GABRB2: variants seen among roughly 807,000 people sequenced by gnomAD.
GABRB2 encodes gamma-aminobutyric acid receptor subunit beta-2.
GABRB2 carries 16 observed loss-of-function variants against 54.7 expected under a neutral mutation model. The observed-to-expected ratio is 0.29, with a 90% CI of 0.20 to 0.44. GABRB2 has a LOEUF of 0.44. GABRB2 is among the 20% of genes least tolerant of loss of function. The pLI, the probability that GABRB2 is intolerant of heterozygous loss-of-function variation, is 1.00. For synonymous variants in GABRB2, 244 were observed against 233.8 expected (o/e 1.04, Z -0.40); for missense variants, 355 against 644.0 (o/e 0.55, Z 4.86).
intron 4 of GABRB2, among the ~76,000 whole-genome samples, chr5:161,456,998 A>G (rs1444157001): frequency 6.6e-6 from 1 of 152,224 alleles, no homozygotes; most frequent in Admixed American, 6.5e-5. Flanking sequence ...CCTTTTACCT[A>G]TCTATTGCAA....
chr5:161,487,909 T>C (rs1758976892), intron 3 of GABRB2, among the ~76,000 whole-genome samples: 1 of 151,786 alleles, frequency 6.6e-6, no homozygotes, highest in South Asian at 2.1e-4. Context: ...TGGCAGTTCC[T>C]AACACTGAAA....
rs1174338619 is a variant in GABRB2, at chr5:161,336,687, T to C, written c.624A>G (p.Pro208=). ...AVTGVTKIEL[P]QFSIVDYKLI... ...GTTTGTAATCTACAATAGAGAACTG[T>C]GGAAGTTCAATTTTCGTTACTCCTG... The change falls in exon 6 of 10, where the codon CCA becomes CCG. Residue 208 remains proline (P), a synonymous_variant. Transcript: ENST00000393959. The C allele has an allele frequency of 6.2e-6, 10 of 1,613,364 alleles. No homozygotes were observed. In the Admixed American group the frequency reaches 1.7e-4, roughly 27 times the overall value.
chr5:161,407,904 A>G (rs1756393086), intron 5 of GABRB2, among the ~76,000 whole-genome samples: 1 of 151,994 alleles, frequency 6.6e-6, no homozygotes, highest in Non-Finnish European at 1.5e-5. Context: ...AAATCTCAAG[A>G]ATTCTATGAA....
rs1014573591 is a variant in GABRB2 at position 161,446,197 on chromosome 5, T to A, written c.458+13427A>T. Among the ~76,000 whole-genome samples, 3 of 152,178 alleles carry A rather than the reference T, an allele frequency of 2.0e-5. No homozygotes were observed. In the South Asian group the frequency reaches 6.2e-4, roughly 32 times the overall value. On this transcript the variant is annotated intron_variant, in intron 4 of 9. Transcript: ENST00000393959. ...ACAAGCTTATGGAGTAAGGATTATA[T>A]GTAGCTTATTCACTACTGTACCTTC...
intron 4 of GABRB2, among the ~76,000 whole-genome samples, chr5:161,446,410 A>G (rs908124972): frequency 6.6e-6 from 1 of 152,134 alleles, no homozygotes; most frequent in African/African-American, 2.4e-5. Context: ...CCTAATATTT[A>G]GGTAATCAAA....
intron 5 of GABRB2, among the ~76,000 whole-genome samples, chr5:161,380,751 G>A (rs990782228): frequency 6.6e-6 from 1 of 152,132 alleles, no homozygotes; most frequent in Non-Finnish European, 1.5e-5. Flanking sequence ...ACAAGGGTGA[G>A]CACACACTTA....
At chr5:161,302,087 G>A (rs1157460372) in intron 9 of GABRB2, among the ~76,000 whole-genome samples, 1 of 152,198 alleles carries the variant, frequency 6.6e-6, no homozygotes, top group African/African-American at 2.4e-5. Flanking sequence ...GTGAATGAGG[G>A]CAGTTTGTAT....
intron 5 of GABRB2, among the ~76,000 whole-genome samples, chr5:161,353,556 T>C (rs1215697804): frequency 1.3e-5 from 2 of 151,958 alleles, no homozygotes; most frequent in African/African-American, 2.4e-5. Flanking sequence ...TTAGGTGAGG[T>C]GTGCAAGCTG....
At chr5:161,414,754 AAC>A (rs1341553371) in intron 4 of GABRB2, among the ~76,000 whole-genome samples, 2 of 151,102 alleles carry the variant, frequency 1.3e-5, no homozygotes, top group Non-Finnish European at 3.0e-5. Context: ...ATAATAATAA[AAC>A]AAATATAACA....
At chr5:161,403,116 A>G (rs1288666262) in intron 5 of GABRB2, among the ~76,000 whole-genome samples, 1 of 152,174 alleles carries the variant, frequency 6.6e-6, no homozygotes, top group African/African-American at 2.4e-5. Flanking sequence ...GATTTAACCC[A>G]GGATTACAAC....
intron 3 of GABRB2, among the ~76,000 whole-genome samples, chr5:161,486,172 A>G (rs1035942867): frequency 1.3e-5 from 2 of 151,994 alleles, no homozygotes; most frequent in Non-Finnish European, 2.9e-5. Context: ...AGATGGGTCT[A>G]CACTGAACTT....
At chr5:161,520,415 T>A (rs1047840830) in intron 3 of GABRB2, among the ~76,000 whole-genome samples, 6 of 152,146 alleles carry the variant, frequency 3.9e-5, no homozygotes, top group Non-Finnish European at 7.4e-5. Flanking sequence ...AAAGAACAAA[T>A]CTTCATGAAA....
At chr5:161,356,712 G>T (rs1182390404) in intron 5 of GABRB2, among the ~76,000 whole-genome samples, 1 of 152,102 alleles carries the variant, frequency 6.6e-6, no homozygotes, top group African/African-American at 2.4e-5. Flanking sequence ...CAGGTGCCAT[G>T]GAAAACGTGC....
intron 4 of GABRB2, among the ~76,000 whole-genome samples, chr5:161,415,385 T>C (rs567053214): frequency 1.3e-4 from 20 of 152,294 alleles, no homozygotes; most frequent in Admixed American, 3.3e-4. Flanking sequence ...TACTTAGCCA[T>C]TGGGAAATAT....
Position 161,294,208 on chromosome 5 carries a change from G to A in GABRB2, c.1412C>T (p.Ala471Val). 1 of 1,614,140 alleles carries A rather than the reference G, an allele frequency of 6.2e-7. No individual in the cohort carries two copies. The highest frequency in any genetic ancestry group is 8.5e-7 in the Non-Finnish European group (1 of 1,180,006). Residue 471 changes from alanine (A) to valine (V), a missense_variant, in exon 10 of 10, where the codon GCC (alanine) becomes GTC (valine). By Grantham distance (64) the Ala-to-Val change is moderately conservative (BLOSUM62 0). Transcript: ENST00000393959. ...AQKKSRLRRRASQLKITIPDL... is the reference protein window; with the variant it reads ...AQKKSRLRRRVSQLKITIPDL... Reference sequence around the variant, plus strand: ...AGGGATGGTGATTTTCAGTTGGGAGGCGCGTCTCCTCAGGCGACTTTTCTT... The same window carrying A: ...AGGGATGGTGATTTTCAGTTGGGAGACGCGTCTCCTCAGGCGACTTTTCTT...
At chr5:161,423,743 C>T (rs1756918977) in intron 4 of GABRB2, among the ~76,000 whole-genome samples, 1 of 152,144 alleles carries the variant, frequency 6.6e-6, no homozygotes, top group East Asian at 1.9e-4. Flanking sequence ...GAAAGATTTC[C>T]ATGTGTACTT....
At chr5:161,518,963 T>C (rs1487668026) in intron 3 of GABRB2, among the ~76,000 whole-genome samples, 1 of 152,214 alleles carries the variant, frequency 6.6e-6, no homozygotes, top group African/African-American at 2.4e-5. Context: ...GATGGTTTCT[T>C]AGGCACCAAC....
In GABRB2 at chr5:161,437,082, T is replaced by C. The variant is rs149408771; in HGVS notation, c.458+22542A>G. Among the ~76,000 whole-genome samples the C allele has an allele frequency of 1.2e-4, 18 of 152,240 alleles. No individual in the cohort carries two copies. In the East Asian group the frequency reaches 2.9e-3, roughly 25 times the overall value. ...TAGGCCATAAGGACTGCAACTATTT[T>C]GTGAGTCCTAGGGCGGATTTAGGCC... On this transcript the variant is annotated intron_variant, in intron 4 of 9. Coordinates refer to ENST00000393959, the MANE Select transcript of GABRB2 (RefSeq NM_001371727.1).
intron 3 of GABRB2, among the ~76,000 whole-genome samples, chr5:161,511,119 C>T (rs1387542430): frequency 1.3e-5 from 2 of 151,788 alleles, no homozygotes; most frequent in South Asian, 2.1e-4. Context: ...GTACTAAATG[C>T]CTCATTATAG....
Sources: allele counts gnomAD v4.1 joint callset (sites outside exome capture counted in the v4.1 genomes callset), GRCh38; gene constraint gnomAD v4.1.1; transcripts MANE v1.5; gene names NCBI Gene and HGNC (gene_info 2026-07-23, HGNC 2026-07-21).